The following CERS3 variants were observed in gnomAD, a reference collection of about 807,000 sequenced individuals.
CERS3 encodes LAG1 homolog, ceramide synthase 3.
CERS3 carries 33 observed loss-of-function variants against 50.3 expected under a neutral mutation model. That is an observed-to-expected ratio of 0.66 (90% confidence interval 0.50 to 0.88). The LOEUF is 0.88. Among genes scored for constraint, CERS3 ranks in the 40% least tolerant of loss-of-function variants. CERS3 has a pLI of 0.00. For missense variants in CERS3, 470 were observed against 460.3 expected, an observed-to-expected ratio of 1.02 and a Z score of -0.19; for synonymous variants, 176 against 155.2, an observed-to-expected ratio of 1.13 and a Z score of -0.99.
In CERS3 at chr15:100,402,839, G is replaced by C; in HGVS notation, c.1026C>G (p.Asp342Glu). The C allele has an allele frequency of 6.2e-7, 1 of 1,608,906 alleles. No individual in the cohort carries two copies. The highest frequency in any genetic ancestry group is 8.5e-7 in the Non-Finnish European group (1 of 1,177,266). ...CTTCCTCTTCCTCTTCATAATCCTC[G>C]TCATCACTCCTCACATCCTGGATGC... Reference protein sequence around the residue: ...MKSIQDVRSDDEDYEEEEEEE... With the variant: ...MKSIQDVRSDEEDYEEEEEEE... The change falls in exon 12 of 12, where the codon GAC becomes GAG. Residue 342 changes from aspartate to glutamate, a missense_variant. Physicochemically the swap from Asp to Glu is conservative, Grantham distance 45 (BLOSUM62 2). Coordinates refer to ENST00000679737, the MANE Select transcript of CERS3 (RefSeq NM_001378789.1).
intron 7 of CERS3, among the ~76,000 whole-genome samples, chr15:100,477,690 C>T (rs538416479): frequency 6.6e-6 from 1 of 152,152 alleles, no homozygotes; most frequent in Non-Finnish European, 1.5e-5. Context: ...CAGTATGGAG[C>T]CCAGAGACTA....
rs113632437 is a variant in CERS3 at position 100,515,130 on chromosome 15, T to C, written c.-2+6537A>G. ...AATATTTTTAAGAGGCTAATTTTTATAGTAAATGTTTCATATACAAAAGCT... is the reference window on the plus strand; with the variant it reads ...AATATTTTTAAGAGGCTAATTTTTACAGTAAATGTTTCATATACAAAAGCT... On this transcript the variant is annotated intron_variant, in intron 2 of 11. Transcript: ENST00000679737. Among the ~76,000 whole-genome samples the C allele has an allele frequency of 2.7e-3, 415 of 152,360 alleles. 5 individuals are homozygous for C. The highest frequency in any genetic ancestry group is 9.1e-3 in the African/African-American group (379 of 41,576).
At chr15:100,432,719 G>C (rs1328089113) in intron 11 of CERS3, among the ~76,000 whole-genome samples, 1 of 152,126 alleles carries the variant, frequency 6.6e-6, no homozygotes, top group Admixed American at 6.5e-5. Flanking sequence ...TAGGAGGTAC[G>C]TTCGAAAGAG....
chr15:100,540,525 C>T (rs1417642863), intron 1 of CERS3, among the ~76,000 whole-genome samples: 1 of 152,158 alleles, frequency 6.6e-6, no homozygotes, highest in Non-Finnish European at 1.5e-5. Flanking sequence ...GCCTGGGTGA[C>T]AGAGCAAGAC....
At chr15:100,439,524 G>A (rs1216447160) in intron 11 of CERS3, among the ~76,000 whole-genome samples, 1 of 152,172 alleles carries the variant, frequency 6.6e-6, no homozygotes, top group Non-Finnish European at 1.5e-5. Flanking sequence ...ATGAACATCT[G>A]CAATTTCATT....
intron 11 of CERS3, among the ~76,000 whole-genome samples, chr15:100,423,539 G>A (rs1472270890): frequency 1.3e-5 from 2 of 152,150 alleles, no homozygotes; most frequent in Non-Finnish European, 2.9e-5. Flanking sequence ...AGTACTGTAT[G>A]TTCTCACTTA....
intron 11 of CERS3, among the ~76,000 whole-genome samples, chr15:100,434,180 A>G (rs774014306): frequency 2.6e-5 from 4 of 152,232 alleles, no homozygotes; most frequent in Non-Finnish European, 4.4e-5. Context: ...GCATGGAGGA[A>G]TCTTGAGGCC....
At chr15:100,508,753 C>G (rs984828347) in intron 2 of CERS3, among the ~76,000 whole-genome samples, 1 of 152,112 alleles carries the variant, frequency 6.6e-6, no homozygotes, top group Non-Finnish European at 1.5e-5. Flanking sequence ...AGTATCTCTG[C>G]TTGGAATTCT....
chr15:100,428,808 G>C (rs2032967377), intron 11 of CERS3, among the ~76,000 whole-genome samples: 1 of 152,224 alleles, frequency 6.6e-6, no homozygotes, highest in Non-Finnish European at 1.5e-5. Flanking sequence ...AGGAAGTAGA[G>C]AATACTATGA....
chr15:100,427,151 A>T (rs919990586), intron 11 of CERS3, among the ~76,000 whole-genome samples: 2 of 151,816 alleles, frequency 1.3e-5, no homozygotes, highest in African/African-American at 4.8e-5. Context: ...ACAGCTGCGT[A>T]TGTTTTGGTC....
intron 3 of CERS3, among the ~76,000 whole-genome samples, chr15:100,494,241 A>G (rs1280726497): frequency 1.6e-4 from 5 of 31,290 alleles, no homozygotes; most frequent in Admixed American, 8.6e-4. Context: ...ATATATATAT[A>G]TATATATATA....
At chr15:100,418,243 G>C (rs2032119959) in intron 11 of CERS3, among the ~76,000 whole-genome samples, 1 of 152,146 alleles carries the variant, frequency 6.6e-6, no homozygotes, top group Admixed American at 6.5e-5. Context: ...TAAAGGAGCT[G>C]ATGGAGCTGA....
chr15:100,400,974 C>A lies in CERS3; in HGVS notation c.*1739G>T, dbSNP rs1403561042. 1 of 152,104 alleles carries A rather than the reference C, an allele frequency of 6.6e-6. No individual in the cohort carries two copies. Among genetic ancestry groups the A allele is most frequent in the Non-Finnish European group, 1.5e-5 (1 of 68,016 alleles). 9.4% of individuals were successfully genotyped at this position (152,104 alleles called of 1,614,324 possible). On this transcript the variant is annotated 3_prime_UTR_variant, in exon 12 of 12. Coordinates refer to ENST00000679737, the MANE Select transcript of CERS3 (RefSeq NM_001378789.1). ...TCTGACCTTGTTTGTAACAATTTCT[C>A]AGAAAGAGATATTGTTGTGGAAAGA...
At chr15:100,437,342 C>A (rs1279099356) in intron 11 of CERS3, among the ~76,000 whole-genome samples, 2 of 152,166 alleles carry the variant, frequency 1.3e-5, no homozygotes, top group Admixed American at 1.3e-4. Context: ...TACATTCACT[C>A]TTACCTACTA....
rs146792407 is a variant in CERS3, at chr15:100,469,419, G to A, written c.804C>T (p.Ser268=). The change falls in exon 10 of 12, where the codon TCC becomes TCT. Residue 268 remains serine (S), a synonymous_variant. Transcript: ENST00000679737. The part of the protein sequence containing the change: ...QTCNTLFFIF[S]TIFFISRLIV... ...TGAGGCGGCTGATGAAAAATATGGTGGAGAAGATGAAAAACAGGGTGTTAC... is the reference window on the plus strand; with the variant it reads ...TGAGGCGGCTGATGAAAAATATGGTAGAGAAGATGAAAAACAGGGTGTTAC... 2.3e-4 allele frequency: 364 copies of A among 1,613,834 alleles called. 1 individual carries two copies. Among genetic ancestry groups the A allele is most frequent in the Non-Finnish European group, 2.9e-4 (343 of 1,179,910 alleles).
upstream of CERS3, among the ~76,000 whole-genome samples, chr15:100,533,376 C>T (rs1462734163): frequency 6.6e-6 from 1 of 152,212 alleles, no homozygotes; most frequent in African/African-American, 2.4e-5. Context: ...ACAGAGTTGA[C>T]ACTTGATGCT....
intron 11 of CERS3, among the ~76,000 whole-genome samples, chr15:100,449,403 G>T (rs1040505191): frequency 2.0e-4 from 30 of 152,248 alleles, no homozygotes; most frequent in African/African-American, 7.0e-4. Context: ...CCTACCTCCT[G>T]CCCCATCACT....
At chr15:100,497,888 CACACACACTTTT>C (rs2035873427) in intron 3 of CERS3, among the ~76,000 whole-genome samples, 1 of 67,088 alleles carries the variant, frequency 1.5e-5, no homozygotes, top group African/African-American at 6.3e-5. Flanking sequence ...CACACACACA[CACACACACTTTT>C]TTTTTTTTTT....
At chr15:100,421,569 A>G (rs1285953380) in intron 11 of CERS3, among the ~76,000 whole-genome samples, 1 of 149,614 alleles carries the variant, frequency 6.7e-6, no homozygotes, top group East Asian at 2.0e-4. Flanking sequence ...TCTTCACAGA[A>G]TTGGAAAAAA....
Sources: allele counts gnomAD v4.1 joint callset (sites outside exome capture counted in the v4.1 genomes callset), GRCh38; gene constraint gnomAD v4.1.1; transcripts MANE v1.5; gene names NCBI Gene and HGNC (gene_info 2026-07-23, HGNC 2026-07-21).